The following SRD5A1 variants were observed in gnomAD, a reference collection of about 807,000 sequenced individuals.
The protein encoded by SRD5A1 is steroid 5 alpha-reductase 1.
SRD5A1 carries 22 observed loss-of-function variants against 28.2 expected under a neutral mutation model. The observed-to-expected ratio is 0.78, with a 90% confidence interval of 0.56 to 1.12. The LOEUF is 1.12. Among genes scored for constraint, SRD5A1 ranks in the 50% most tolerant of loss-of-function variants. The pLI is 0.00. For missense variants in SRD5A1, 300 were observed against 346.7 expected (o/e 0.87, Z 1.07); for synonymous variants, 151 against 135.0 (o/e 1.12, Z -0.82).
In SRD5A1 at chr5:6,652,004, A is replaced by G; in HGVS notation, c.456A>G (p.Leu152=). Residue 152 remains leucine, a synonymous_variant, in exon 2 of 5, where the codon CTA becomes CTG. Transcript: ENST00000274192. ...ADDWVTDPRF[L]IGFGLWLTGM... ...ACTGGGTAACAGATCCCCGTTTTCT[A>G]ATAGGTGAGTGTCCACAGCAGTGAA... 1 of 1,612,978 alleles carries G rather than the reference A, an allele frequency of 6.2e-7. No individual in the cohort carries two copies. Among genetic ancestry groups the G allele is most frequent in the Non-Finnish European group, 8.5e-7 (1 of 1,179,166 alleles).
At position 6,672,065 on chromosome 5, in the gene SRD5A1, C is replaced by G. The variant is rs1244171259; in HGVS notation, c.*3797C>G. 1 of 152,234 alleles carries G rather than the reference C, an allele frequency of 6.6e-6. No homozygotes were observed. The highest frequency in any genetic ancestry group is 1.5e-5 in the Non-Finnish European group (1 of 68,070). 9.4% of individuals were successfully genotyped at this position (152,234 alleles called of 1,614,324 possible). On this transcript the variant is annotated 3_prime_UTR_variant, in exon 5 of 5. Transcript: ENST00000274192. ...GACTTTAGGGACTATGCTGAACAAT[C>G]CACTGACCACTGCAGGCTCCCATTT...
intron 4 of SRD5A1, among the ~76,000 whole-genome samples, chr5:6,665,978 TAATC>T (rs1739157021): frequency 6.6e-6 from 1 of 152,182 alleles, no homozygotes; most frequent in Non-Finnish European, 1.5e-5. Flanking sequence ...CCTGAAGAAT[TAATC>T]AATTCAGTTT....
chr5:6,634,461 C>G (rs1012610170), intron 1 of SRD5A1, among the ~76,000 whole-genome samples: 40 of 152,256 alleles, frequency 2.6e-4, no homozygotes, highest in African/African-American at 9.1e-4. Flanking sequence ...TGCTGATGGT[C>G]GGTCTTGAGG....
In SRD5A1 at chr5:6,633,632, T is replaced by A; in HGVS notation, c.56T>A (p.Leu19Gln). 6.5e-7 allele frequency: 1 copy of A among 1,548,372 alleles called. No homozygotes were observed. Among genetic ancestry groups the A allele is most frequent in the Non-Finnish European group, 8.7e-7 (1 of 1,154,556 alleles). Residue 19 changes from leucine (L) to glutamine (Q), a missense_variant, in exon 1 of 5, where the codon CTG becomes CAG. Leu to Gln is a moderately radical substitution (Grantham distance 113). This residue lies in a region of SRD5A1 where 174 missense variants were observed against 160.9 expected (regional missense o/e 1.08). Transcript: ENST00000274192. ...CGCCTGCTGGCCGCGCTCGCCTACCTGCAGTGCGCCGTGGGCTGCGCGGTC... is the reference window on the plus strand; with the variant it reads ...CGCCTGCTGGCCGCGCTCGCCTACCAGCAGTGCGCCGTGGGCTGCGCGGTC... ...EERLLAALAY[L>Q]QCAVGCAVFA...
chr5:6,657,469 C>T (rs542952302), intron 3 of SRD5A1, among the ~76,000 whole-genome samples: 60 of 152,346 alleles, frequency 3.9e-4, no homozygotes, highest in African/African-American at 1.1e-3. Context: ...GTGGCCCCCT[C>T]GCTTCCTGCC....
chr5:6,643,236 C>T (rs1401599756), intron 1 of SRD5A1, among the ~76,000 whole-genome samples: 1 of 152,136 alleles, frequency 6.6e-6, no homozygotes, highest in Admixed American at 6.6e-5. Context: ...ACAACTGAGC[C>T]ATATCAGTAA....
chr5:6,654,621 T>C (rs1738783411), intron 2 of SRD5A1, among the ~76,000 whole-genome samples: 1 of 151,582 alleles, frequency 6.6e-6, no homozygotes, highest in Admixed American at 6.6e-5. Context: ...TCAGTAGAGA[T>C]GGGGTTTCAC....
chr5:6,644,832 C>T (rs1738462512), intron 1 of SRD5A1: 1 of 454,902 alleles, frequency 2.2e-6, no homozygotes, highest in South Asian at 1.6e-5. Context: ...CAAGCACTTG[C>T]AGTGTGCCTA....
At chr5:6,656,373 T>C (rs1005724843) in intron 3 of SRD5A1, among the ~76,000 whole-genome samples, 194 bp downstream of exon 3, 18 of 152,164 alleles carry the variant, frequency 1.2e-4, no homozygotes, top group Non-Finnish European at 2.5e-4. Flanking sequence ...TCTAGCTAAC[T>C]GAACAGTTAT....
Position 6,670,674 on chromosome 5 carries a change from C to G in SRD5A1, c.*2406C>G, listed in dbSNP as rs1739335097. The G allele has an allele frequency of 6.6e-6, 1 of 152,058 alleles. No homozygotes were observed. Among genetic ancestry groups the G allele is most frequent in the Admixed American group, 6.6e-5 (1 of 15,264 alleles). 9.4% of individuals were successfully genotyped at this position (152,058 alleles called of 1,614,324 possible). On this transcript the variant is annotated 3_prime_UTR_variant, in exon 5 of 5. Transcript: ENST00000274192. The stretch of plus-strand genomic sequence containing the variant: ...TGACAGGTAAGAAACAAGTAAGTAG[C>G]TAAAATAATGTTAGGTAGAAAAAAA...
At chr5:6,651,672 T>A (rs1738675174) in intron 1 of SRD5A1, among the ~76,000 whole-genome samples, 170 bp from the exon 2 acceptor site, 1 of 152,036 alleles carries the variant, frequency 6.6e-6, no homozygotes, top group African/African-American at 2.4e-5. Context: ...AAAATAAAAT[T>A]AAAATCAAAA....
Position 6,633,561 on chromosome 5 carries a change from C to G in SRD5A1, c.-16C>G, listed in dbSNP as rs768308608. ...CGCGGCCTCTGGGGCATGGAGCACG[C>G]TGCCCAGCCCTGGCGATGGCAACGG... On this transcript the variant is annotated 5_prime_UTR_variant, in exon 1 of 5. Transcript: ENST00000274192. 1.3e-6 allele frequency: 2 copies of G among 1,495,506 alleles called. No homozygotes were observed. The highest frequency in any genetic ancestry group is 1.8e-6 in the Non-Finnish European group (2 of 1,130,096). 92.6% of individuals were successfully genotyped at this position (1,495,506 alleles called of 1,614,324 possible). A position where few individuals can be genotyped will look rare whatever the true frequency, so the allele number is the denominator to read the frequency against.
intron 4 of SRD5A1, 49 bp from the exon 5 acceptor site, chr5:6,668,153 A>G (rs780758049): frequency 8.3e-7 from 1 of 1,199,834 alleles, no homozygotes; most frequent in Non-Finnish European, 1.2e-6. Context: ...AGCATTGGTT[A>G]AATGTCTAAG....
chr5:6,633,702 G>C lies in SRD5A1; in HGVS notation c.126G>C (p.Ala42=). Residue 42 remains alanine (A), a synonymous_variant, in exon 1 of 5, where the codon GCG becomes GCC. Transcript: ENST00000274192. ...RQTNSVYGRH[A]LPSHRLRVPA... is the part of the protein sequence containing the mutation. ...CGAACTCAGTGTACGGCCGCCACGC[G>C]CTGCCCAGCCACAGGCTCCGAGTGC... The C allele has an allele frequency of 6.3e-7, 1 of 1,590,006 alleles. No individual in the cohort carries two copies. Among genetic ancestry groups the C allele is most frequent in the African/African-American group, 1.3e-5 (1 of 74,776 alleles).
In SRD5A1 at chr5:6,669,683, A is replaced by G. The variant is rs1176315191; in HGVS notation, c.*1415A>G. The G allele has an allele frequency of 1.3e-5, 2 of 152,136 alleles. No individual in the cohort carries two copies. Among genetic ancestry groups the G allele is most frequent in the Non-Finnish European group, 2.9e-5 (2 of 68,008 alleles). 9.4% of individuals were successfully genotyped at this position (152,136 alleles called of 1,614,324 possible). A position where few individuals can be genotyped will look rare whatever the true frequency, so the allele number is the denominator to read the frequency against. On this transcript the variant is annotated 3_prime_UTR_variant, in exon 5 of 5. Coordinates refer to ENST00000274192, the MANE Select transcript of SRD5A1 (RefSeq NM_001047.4). ...CTATCTACAGTGATTTGGAAAGGAG[A>G]TTTCCTTTAAAACAAACAAGCTTAT...
chr5:6,664,818 CAGTG>C (rs1208545602), intron 4 of SRD5A1, among the ~76,000 whole-genome samples: 1 of 152,250 alleles, frequency 6.6e-6, no homozygotes, highest in African/African-American at 2.4e-5. Flanking sequence ...CACGCATAGA[CAGTG>C]AGGAGAGAGC....
In SRD5A1 at chr5:6,647,781, T is replaced by C. The variant is rs113329615; in HGVS notation, c.294-4061T>C. Among the ~76,000 whole-genome samples the C allele has an allele frequency of 4.2e-3, 641 of 152,334 alleles. 4 individuals carry two copies. Among genetic ancestry groups the C allele is most frequent in the African/African-American group, 0.015 (610 of 41,574 alleles). The stretch of plus-strand genomic sequence containing the variant: ...AGCCTGTTTACATTTAAGGTTAGTA[T>C]TGTTATCTGTGAATCTGATCCTTTC... On this transcript the variant is annotated intron_variant, in intron 1 of 4. Transcript: ENST00000274192.
intron 1 of SRD5A1, among the ~76,000 whole-genome samples, chr5:6,651,640 A>G (rs1435710941): frequency 6.6e-6 from 1 of 152,234 alleles, no homozygotes; most frequent in Non-Finnish European, 1.5e-5. Flanking sequence ...AGCCTGGGCA[A>G]CACAGCAAGA....
At chr5:6,658,402 AC>A (rs1404970551) in intron 3 of SRD5A1, among the ~76,000 whole-genome samples, 1 of 152,178 alleles carries the variant, frequency 6.6e-6, no homozygotes, top group African/African-American at 2.4e-5. Flanking sequence ...CCTGCGACGA[AC>A]CCGCAATCTA....
Sources: allele counts gnomAD v4.1 joint callset (sites outside exome capture counted in the v4.1 genomes callset), GRCh38; gene constraint gnomAD v4.1.1; regional missense constraint gnomAD v4.1.1; transcripts MANE v1.5; gene names NCBI Gene and HGNC (gene_info 2026-07-23, HGNC 2026-07-21).